GPC3: variants seen among roughly 807,000 people sequenced by gnomAD.
GPC3 encodes glypican 3, also known as glypican-3.
GPC3 carries 3 observed loss-of-function variants against 34.4 expected under a neutral mutation model. The observed-to-expected ratio is 0.09, with a 90% CI of 0.04 to 0.23. The LOEUF (loss-of-function observed/expected upper bound fraction) is 0.23. Ranked by LOEUF, GPC3 falls within the 10% of genes least tolerant of loss-of-function variation. The pLI is 1.00. For synonymous variants in GPC3, 177 were observed against 174.0 expected, an observed-to-expected ratio of 1.02 and a Z score of -0.13; for missense variants, 351 against 445.6, an observed-to-expected ratio of 0.79 and a Z score of 1.91.
At chrX:133,847,443 T>C (rs2075851780) in intron 2 of GPC3, among the ~76,000 whole-genome samples, 3 of 112,357 alleles carry the variant, frequency 2.7e-5, no homozygotes, top group South Asian at 7.5e-4. Flanking sequence ...CCACTGCGCA[T>C]GCACTTGCTG....
chrX:133,582,687 T>G (rs978644952), intron 7 of GPC3, among the ~76,000 whole-genome samples: 1 of 111,724 alleles, frequency 9.0e-6, no homozygotes, highest in Admixed American at 9.6e-5. Context: ...ACAAAGATAT[T>G]GGTCCATGAC....
chrX:133,561,693 T>G (rs2124290710), intron 7 of GPC3, among the ~76,000 whole-genome samples: 1 of 112,426 alleles, frequency 8.9e-6, no homozygotes, highest in Admixed American at 9.5e-5. Flanking sequence ...TTTACATTTC[T>G]TCTCCTTTTA....
intron 6 of GPC3, among the ~76,000 whole-genome samples, chrX:133,636,124 GA>G (rs1012314594): frequency 2.7e-5 from 3 of 111,054 alleles, no homozygotes; most frequent in African/African-American, 9.8e-5. Context: ...GTTCACAAAA[GA>G]AAAAAAACAT....
chrX:133,897,632 G>A lies in GPC3; in HGVS notation c.337+55418C>T, dbSNP rs751823865. Among the ~76,000 whole-genome samples the A allele has an allele frequency of 8.0e-4, 89 of 110,720 alleles. 1 individual carries two copies. Among genetic ancestry groups the A allele is most frequent in the Non-Finnish European group, 1.5e-3 (80 of 52,979 alleles). ...AAAGCCTGAAAAAGGGAGAGATGAG[G>A]TAGTCTCTCCAAACATGCTCACGTG... On this transcript the variant is annotated intron_variant, in intron 2 of 7. Coordinates refer to ENST00000370818, the MANE Select transcript of GPC3 (RefSeq NM_004484.4).
intron 4 of GPC3, among the ~76,000 whole-genome samples, chrX:133,696,189 G>A (rs959893740): frequency 1.4e-4 from 16 of 112,134 alleles, no homozygotes; most frequent in African/African-American, 5.2e-4. Context: ...ATACATCTTG[G>A]TCTCTAAAAG....
chrX:133,623,852 AT>A (rs1314129242), intron 6 of GPC3, among the ~76,000 whole-genome samples: 1 of 112,116 alleles, frequency 8.9e-6, no homozygotes, highest in Non-Finnish European at 1.9e-5. Flanking sequence ...TCAACAGAAT[AT>A]ACATTCTTCT....
intron 5 of GPC3, among the ~76,000 whole-genome samples, chrX:133,665,888 A>G (rs1431363341): frequency 8.9e-6 from 1 of 111,950 alleles, no homozygotes; most frequent in African/African-American, 3.2e-5. Context: ...TAAAGAGGTA[A>G]GGCTCATTAT....
At chrX:133,890,466 C>G (rs1019709823) in intron 2 of GPC3, among the ~76,000 whole-genome samples, 1 of 110,461 alleles carries the variant, frequency 9.1e-6, no homozygotes, top group African/African-American at 3.3e-5. Context: ...ACCTGTAATC[C>G]CAGCACTTTG....
At chrX:133,637,193 C>T (rs765879882) in intron 6 of GPC3, among the ~76,000 whole-genome samples, 5 of 111,578 alleles carry the variant, frequency 4.5e-5, no homozygotes, top group Admixed American at 1.9e-4. Context: ...AGATGTGCGG[C>T]GTGGTGGCTC....
chrX:133,864,883 A>G (rs964623146), intron 2 of GPC3, among the ~76,000 whole-genome samples: 3 of 112,659 alleles, frequency 2.7e-5, no homozygotes, highest in African/African-American at 9.7e-5. Flanking sequence ...TTGCATTTAA[A>G]TAGCTTATGG....
intron 1 of GPC3, among the ~76,000 whole-genome samples, chrX:133,978,744 G>A (rs938998720): frequency 3.6e-5 from 4 of 111,929 alleles, no homozygotes; most frequent in African/African-American, 1.3e-4. Context: ...AATACATATT[G>A]AGTACCTATT....
At chrX:133,703,616 A>G (rs1383346685) in intron 3 of GPC3, among the ~76,000 whole-genome samples, 1 of 110,489 alleles carries the variant, frequency 9.1e-6, no homozygotes. Context: ...GCCCACTACC[A>G]CGCCCAGCTA....
intron 6 of GPC3, among the ~76,000 whole-genome samples, chrX:133,618,602 G>T (rs756054876): frequency 9.2e-6 from 1 of 108,585 alleles, no homozygotes; most frequent in East Asian, 2.9e-4. Flanking sequence ...TCGGGAGGCT[G>T]AGGCAGGAGA....
intron 3 of GPC3, among the ~76,000 whole-genome samples, chrX:133,752,488 A>G (rs1002459638): frequency 9.0e-6 from 1 of 111,710 alleles, no homozygotes; most frequent in African/African-American, 3.3e-5. Context: ...GATGTAGTGG[A>G]AGCTCAACAA....
At chrX:133,842,299 C>T (rs910213165) in intron 2 of GPC3, among the ~76,000 whole-genome samples, 4 of 106,281 alleles carry the variant, frequency 3.8e-5, no homozygotes, top group African/African-American at 1.4e-4. Context: ...GCCTGGGCCA[C>T]GGAGTGAGAC....
At chrX:133,984,426 C>A (rs77829996) in intron 1 of GPC3, among the ~76,000 whole-genome samples, 1 of 112,530 alleles carries the variant, frequency 8.9e-6, no homozygotes, top group East Asian at 2.8e-4. Flanking sequence ...CTGTTGACAG[C>A]GGCAGCCCTC....
intron 2 of GPC3, among the ~76,000 whole-genome samples, chrX:133,862,565 C>G (rs1400583153): frequency 9.2e-6 from 1 of 109,127 alleles, no homozygotes; most frequent in Non-Finnish European, 1.9e-5. Flanking sequence ...TGATGGGCAC[C>G]TGTAGTCCCA....
intron 2 of GPC3, among the ~76,000 whole-genome samples, chrX:133,858,076 G>A (rs750363443): frequency 2.7e-5 from 3 of 111,578 alleles, no homozygotes; most frequent in African/African-American, 9.8e-5. Flanking sequence ...CATGACATAT[G>A]TCAGAGTTTA....
intron 2 of GPC3, among the ~76,000 whole-genome samples, chrX:133,819,770 T>A (rs1355563863): frequency 8.9e-6 from 1 of 111,877 alleles, no homozygotes. Context: ...AAGTGTGCTA[T>A]AAACAATATC....
Sources: gnomAD v4.1 joint callset for allele counts (sites outside exome capture counted in the v4.1 genomes callset) on GRCh38, gnomAD v4.1.1 for gene constraint, MANE v1.5 for transcripts, NCBI Gene and HGNC (gene_info 2026-07-23, HGNC 2026-07-21) for gene names.